CAMK1D: variants seen among roughly 807,000 people sequenced by gnomAD.
The protein encoded by CAMK1D is calcium/calmodulin-dependent protein kinase type 1D.
CAMK1D carries 9 observed loss-of-function variants against 47.7 expected under a neutral mutation model. That is an observed-to-expected ratio of 0.19 (90% CI 0.11 to 0.33). The LOEUF is 0.33. Among genes scored for constraint, CAMK1D ranks in the 10% least tolerant of loss-of-function variants. The pLI, the probability that CAMK1D is intolerant of heterozygous loss-of-function variation, is 1.00. For synonymous variants in CAMK1D, 184 were observed against 184.9 expected (o/e 0.99, Z 0.04); for missense variants, 291 against 488.7 (o/e 0.60, Z 3.81).
At chr10:12,524,917 C>G (rs1030764455) in intron 1 of CAMK1D, among the ~76,000 whole-genome samples, 1 of 152,110 alleles carries the variant, frequency 6.6e-6, no homozygotes, top group Non-Finnish European at 1.5e-5. Context: ...ACATTTTCTG[C>G]TGATAAAGTA....
intron 1 of CAMK1D, among the ~76,000 whole-genome samples, chr10:12,387,445 T>TTATATATATATATATATATA (rs373637712): frequency 6.5e-4 from 43 of 66,586 alleles, no homozygotes; most frequent in Non-Finnish European, 9.5e-4. Context: ...TATATATATT[T>TTATATATATATATATATATA]TATATATATA....
At chr10:12,493,143 C>T (rs1834437345) in intron 1 of CAMK1D, among the ~76,000 whole-genome samples, 1 of 152,204 alleles carries the variant, frequency 6.6e-6, no homozygotes, top group African/African-American at 2.4e-5. Flanking sequence ...TAGAAACAAC[C>T]CTCTGCGGTC....
intron 2 of CAMK1D, among the ~76,000 whole-genome samples, chr10:12,648,006 C>T (rs1411048362): frequency 1.3e-5 from 2 of 152,144 alleles, no homozygotes; most frequent in Non-Finnish European, 2.9e-5. Context: ...TGCAAAGCAT[C>T]GAGGAGGCCA....
chr10:12,349,888 G>C lies in CAMK1D; in HGVS notation c.70G>C (p.Glu24Gln). ...KQAEDIKKIF[E>Q]FKETLGTGAF... ...AGCTGAAGACATCAAGAAGATCTTC[G>C]AGTTCAAAGAGACCCTCGGAACGTA... The change falls in exon 1 of 11, where the codon GAG (glutamate) becomes CAG (glutamine). Residue 24 changes from glutamate (E) to glutamine (Q), a missense_variant. Glu to Gln is a conservative substitution (Grantham distance 29, BLOSUM62 2). Around this residue, in one of 2 missense-constraint regions of CAMK1D, gnomAD observed 219 missense variants for 424.3 expected, o/e 0.52. Coordinates refer to ENST00000619168, the MANE Select transcript of CAMK1D (RefSeq NM_153498.4). The C allele has an allele frequency of 6.5e-7, 1 of 1,550,200 alleles. No homozygotes were observed. The highest frequency in any genetic ancestry group is 8.7e-7 in the Non-Finnish European group (1 of 1,147,196).
intron 2 of CAMK1D, among the ~76,000 whole-genome samples, chr10:12,593,132 A>T (rs1379715956): frequency 6.6e-6 from 1 of 152,252 alleles, no homozygotes. Flanking sequence ...GCCATAGATG[A>T]TATGTAAATG....
intron 2 of CAMK1D, among the ~76,000 whole-genome samples, chr10:12,633,078 G>C: frequency 6.6e-6 from 1 of 152,234 alleles, no homozygotes; most frequent in East Asian, 1.9e-4. Context: ...CCAGCAGGCT[G>C]ACCTGCAGTG....
At chr10:12,409,757 A>G (rs1183525457) in intron 1 of CAMK1D, among the ~76,000 whole-genome samples, 2 of 152,244 alleles carry the variant, frequency 1.3e-5, no homozygotes, top group African/African-American at 4.8e-5. Flanking sequence ...GTTCAGTGAC[A>G]TTAAGTACGT....
intron 1 of CAMK1D, among the ~76,000 whole-genome samples, chr10:12,462,791 A>G (rs1384804660): frequency 5.3e-5 from 8 of 152,094 alleles, no homozygotes; most frequent in Non-Finnish European, 1.0e-4. Flanking sequence ...TCCTGGGCTC[A>G]AGCAATCCTC....
At chr10:12,776,966 A>G (rs746744700) in intron 5 of CAMK1D, among the ~76,000 whole-genome samples, 2 of 152,236 alleles carry the variant, frequency 1.3e-5, no homozygotes, top group East Asian at 1.9e-4. Context: ...CACTCTATGC[A>G]TGTCCACAAA....
At chr10:12,571,544 G>A (rs1188765042) in intron 2 of CAMK1D, among the ~76,000 whole-genome samples, 1 of 151,968 alleles carries the variant, frequency 6.6e-6, no homozygotes, top group African/African-American at 2.4e-5. Flanking sequence ...CATGGAAGCT[G>A]GATCCCCCGG....
intron 1 of CAMK1D, among the ~76,000 whole-genome samples, chr10:12,414,261 G>A (rs754300680): frequency 3.9e-5 from 6 of 152,194 alleles, no homozygotes; most frequent in African/African-American, 7.2e-5. Context: ...GTTTTATAAC[G>A]TTTTCTGATG....
chr10:12,634,923 G>C (rs755738217), intron 2 of CAMK1D, among the ~76,000 whole-genome samples: 1 of 152,088 alleles, frequency 6.6e-6, no homozygotes, highest in Non-Finnish European at 1.5e-5. Context: ...GATGAGGCTT[G>C]GTTTTGTTCC....
At chr10:12,494,309 G>T (rs1834471946) in intron 1 of CAMK1D, among the ~76,000 whole-genome samples, 1 of 152,030 alleles carries the variant, frequency 6.6e-6, no homozygotes, top group Non-Finnish European at 1.5e-5. Context: ...CCCAAGCCAG[G>T]TTCTCTCTGT....
At chr10:12,564,895 T>A (rs190741223) in intron 2 of CAMK1D, among the ~76,000 whole-genome samples, 2 of 152,190 alleles carry the variant, frequency 1.3e-5, no homozygotes, top group Non-Finnish European at 2.9e-5. Context: ...TAAATAAATA[T>A]GCATATACAC....
At chr10:12,638,983 C>T (rs1455427793) in intron 2 of CAMK1D, among the ~76,000 whole-genome samples, 4 of 152,172 alleles carry the variant, frequency 2.6e-5, no homozygotes, top group South Asian at 2.1e-4. Flanking sequence ...CTTGGAATGT[C>T]GTCTTCGTGA....
intron 3 of CAMK1D, among the ~76,000 whole-genome samples, chr10:12,715,355 T>G (rs1481521312): frequency 1.3e-5 from 2 of 152,262 alleles, no homozygotes; most frequent in East Asian, 3.8e-4. Context: ...GCATGACTAC[T>G]GCGATATCTT....
intron 3 of CAMK1D, among the ~76,000 whole-genome samples, chr10:12,685,046 A>C (rs1329448646): frequency 6.7e-6 from 1 of 150,104 alleles, no homozygotes; most frequent in African/African-American, 2.5e-5. Context: ...GCGGTGGCTC[A>C]CGCCAACACT....
In CAMK1D at chr10:12,741,016, C is replaced by A. The variant is rs115026698; in HGVS notation, c.300-19932C>A. Among the ~76,000 whole-genome samples, 1,399 of 152,266 alleles carry A rather than the reference C, an allele frequency of 9.2e-3. 22 individuals are homozygous for A. Among genetic ancestry groups the A allele is most frequent in the African/African-American group, 0.032 (1,317 of 41,554 alleles). The stretch of plus-strand genomic sequence containing the variant: ...GGACTGCCTAAAGGAAGGGGATTTT[C>A]CACATCATCCTTTTGATGGAAGAGA... On this transcript the variant is annotated intron_variant, in intron 3 of 10. Transcript: ENST00000619168.
At chr10:12,504,882 G>T (rs1834822971) in intron 1 of CAMK1D, among the ~76,000 whole-genome samples, 1 of 152,116 alleles carries the variant, frequency 6.6e-6, no homozygotes, top group African/African-American at 2.4e-5. Flanking sequence ...CTGCTTTCTT[G>T]CCCCCTATGA....
Sources: allele counts gnomAD v4.1 joint callset (sites outside exome capture counted in the v4.1 genomes callset), GRCh38; gene constraint gnomAD v4.1.1; regional missense constraint gnomAD v4.1.1; transcripts MANE v1.5; gene names NCBI Gene and HGNC (gene_info 2026-07-23, HGNC 2026-07-21).